Variants in CD163L1 observed in about 807,000 individuals in gnomAD.
CD163L1 encodes CD163 molecule like 1, also known as scavenger receptor cysteine-rich type 1 protein M160.
CD163L1 carries 124 observed loss-of-function variants against 165.4 expected under a neutral mutation model. The ratio of observed to expected loss-of-function variants is 0.75; its 90% CI spans 0.65 to 0.87. The LOEUF is 0.87. Among genes scored for constraint, CD163L1 ranks in the 40% least tolerant of loss-of-function variants. CD163L1 has a pLI of 0.00. For synonymous variants in CD163L1, 585 were observed against 662.2 expected, an observed-to-expected ratio of 0.88 and a Z score of 1.79; for missense variants, 1,525 against 1,799.9, an observed-to-expected ratio of 0.85 and a Z score of 2.76.
At chr12:7,357,162 A>C (rs1347481256) in intron 19 of CD163L1, among the ~76,000 whole-genome samples, 2 of 152,170 alleles carry the variant, frequency 1.3e-5, no homozygotes, top group Non-Finnish European at 2.9e-5. Flanking sequence ...GCCAATGCTC[A>C]AAACCAATTC....
At chr12:7,379,787 A>G (rs1364383708) in intron 8 of CD163L1, among the ~76,000 whole-genome samples, 2 of 152,172 alleles carry the variant, frequency 1.3e-5, no homozygotes, top group Non-Finnish European at 2.9e-5. Context: ...GTGATGCCAA[A>G]TGAAGTAATT....
At chr12:7,325,741 G>T in the CD163L1 span, among the ~76,000 whole-genome samples, 5 of 152,198 alleles carry the variant, frequency 3.3e-5, no homozygotes, top group Non-Finnish European at 7.3e-5. Flanking sequence ...CTCTGGCAAT[G>T]ACAATAATAG....
chr12:7,394,958 G>A, intron 8 of CD163L1, among the ~76,000 whole-genome samples: 1 of 152,150 alleles, frequency 6.6e-6, no homozygotes, highest in East Asian at 1.9e-4. Flanking sequence ...ATGCTGGAGA[G>A]GATGTGGAGA....
chr12:7,394,334 A>C (rs375721487), intron 8 of CD163L1, among the ~76,000 whole-genome samples: 13 of 152,228 alleles, frequency 8.5e-5, no homozygotes, highest in East Asian at 5.8e-4. Context: ...CAAAAACAAG[A>C]AATGGGGAAA....
At chr12:7,438,773 C>G in intron 2 of CD163L1, 1 of 1,447,388 alleles carries the variant, frequency 6.9e-7, no homozygotes, top group South Asian at 1.4e-5. Context: ...TCCCGTGGCC[C>G]TTACCTCCTC....
chr12:7,343,970 G>C (rs1420194055), downstream of CD163L1, among the ~76,000 whole-genome samples: 1 of 152,276 alleles, frequency 6.6e-6, no homozygotes, highest in Middle Eastern at 3.4e-3. Flanking sequence ...AGATGCAATG[G>C]GGTACACAGT....
At position 7,361,720 on chromosome 12, in the gene CD163L1, T is replaced by C. The variant is rs149179462; in HGVS notation, c.4280-4234A>G. On this transcript the variant is annotated intron_variant, in intron 18 of 19. Coordinates refer to ENST00000313599, the MANE Select transcript of CD163L1 (RefSeq NM_174941.6). ...AGAAAATTTACCATCACGATCACAA[T>C]AGTCTTTCCTCAGTTTGACATTTCT... 1.4e-3 allele frequency among the ~76,000 whole-genome samples: 218 copies of C among 152,274 alleles called. 5 individuals are homozygous for C. The East Asian group carries it at 0.035, about 25-fold the overall frequency.
chr12:7,369,040 A>C lies in CD163L1; in HGVS notation c.4040-75T>G, dbSNP rs751985078. 16 of 1,449,510 alleles carry C rather than the reference A, an allele frequency of 1.1e-5. No homozygotes were observed. In the South Asian group the frequency reaches 1.6e-4, roughly 15 times the overall value. 89.8% of individuals were successfully genotyped at this position (1,449,510 alleles called of 1,614,324 possible). ...GGTATTTCTTTTTACATCTCCTGCG[A>C]TTATCGGATGTCATTTAAATATCCT... On this transcript the variant is annotated intron_variant, in intron 15 of 19. Coordinates refer to ENST00000313599, the MANE Select transcript of CD163L1 (RefSeq NM_174941.6). This position sits in a 1 kb window ranked among gnomAD's most constrained non-coding sequence, Gnocchi z 4.9.
In CD163L1 at chr12:7,406,649, C is replaced by G. The variant is rs1948021193; in HGVS notation, c.970G>C (p.Val324Leu). The change falls in exon 5 of 20, where the codon GTA (valine) becomes CTA (leucine). Residue 324 changes from valine (V) to leucine (L), a missense_variant. Transcript: ENST00000313599. ...LPHLQSGSDVVWLDGVSCSGN... is the reference protein window; with the variant it reads ...LPHLQSGSDVLWLDGVSCSGN... ...GAGCAGGAGACACCATCAAGCCATA[C>G]AACATCAGACCCTGACTGCAAATGA... is the stretch of plus-strand genomic sequence containing the variant. 1 of 1,613,972 alleles carries G rather than the reference C, an allele frequency of 6.2e-7. No individual in the cohort carries two copies. The highest frequency in any genetic ancestry group is 1.1e-5 in the South Asian group (1 of 91,082).
At chr12:7,397,191 G>A (rs1421727218) in intron 7 of CD163L1, among the ~76,000 whole-genome samples, 1 of 152,148 alleles carries the variant, frequency 6.6e-6, no homozygotes, top group Admixed American at 6.5e-5. Context: ...ACATATATTT[G>A]ATAACCTAGG....
In CD163L1 at chr12:7,398,179, T is replaced by C; in HGVS notation, c.1729+85A>G. ...TGGCCCCTCAATCAATTCCCACATG[T>C]AAGCCAGTTTATAGACCCAGAAGCC... On this transcript the variant is annotated intron_variant, in intron 7 of 19. Transcript: ENST00000313599. This position sits in a 1 kb window ranked among gnomAD's most constrained non-coding sequence, Gnocchi z 4.5. 1 of 1,249,982 alleles carries C rather than the reference T, an allele frequency of 8.0e-7. No homozygotes were observed. Among genetic ancestry groups the C allele is most frequent in the Non-Finnish European group, 1.1e-6 (1 of 893,020 alleles). The allele number at this position is 1,249,982 out of a possible 1,614,324, so 77.4% of individuals were successfully genotyped here. A position where few individuals can be genotyped will look rare whatever the true frequency, so the allele number is the denominator to read the frequency against.
rs1371550853 is a variant in CD163L1, at chr12:7,421,506, TAC to T, written c.766+10908_766+10909del. On this transcript the variant is annotated intron_variant, in intron 4 of 19. Coordinates refer to ENST00000313599, the MANE Select transcript of CD163L1 (RefSeq NM_174941.6). ...GTACATATATACATATATGTACATATACATATACATATATGTACATATATACA... is the reference window on the plus strand; with the variant it reads ...GTACATATATACATATATGTACATATATATACATATATGTACATATATACA... Among the ~76,000 whole-genome samples the T allele has an allele frequency of 3.8e-4, 31 of 82,496 alleles. 1 individual carries two copies. Among genetic ancestry groups the T allele is most frequent in the South Asian group, 1.1e-3 (3 of 2,740 alleles). 54.1% of individuals were successfully genotyped at this position (82,496 alleles called of 152,430 possible). A position where few individuals can be genotyped will look rare whatever the true frequency, so the allele number is the denominator to read the frequency against.
the CD163L1 span, among the ~76,000 whole-genome samples, chr12:7,319,587 C>A: frequency 1.4e-5 from 2 of 142,308 alleles, no homozygotes; most frequent in Non-Finnish European, 3.0e-5. Flanking sequence ...AAGACTCCGT[C>A]TCAAAAAAAA....
At chr12:7,319,805 G>A in the CD163L1 span, among the ~76,000 whole-genome samples, 2 of 152,060 alleles carry the variant, frequency 1.3e-5, no homozygotes, top group Admixed American at 1.3e-4. Flanking sequence ...GTGCCCTAAA[G>A]TTGGTAAGTT....
intron 4 of CD163L1, among the ~76,000 whole-genome samples, chr12:7,415,234 T>C (rs868727657): frequency 2.0e-5 from 3 of 152,104 alleles, no homozygotes; most frequent in Non-Finnish European, 4.4e-5. Flanking sequence ...GGAGTTAAGT[T>C]GTTATCAACT....
chr12:7,368,089 C>A lies in CD163L1; in HGVS notation c.4181G>T (p.Arg1394Ile), dbSNP rs1458092463. Residue 1394 changes from arginine (R) to isoleucine (I), a missense_variant and splice_region_variant, in exon 17 of 20, where the codon AGA becomes ATA. By Grantham distance (97) the Arg-to-Ile change is moderately conservative. Coordinates refer to ENST00000313599, the MANE Select transcript of CD163L1 (RefSeq NM_174941.6). This position sits in a 1 kb window ranked among gnomAD's most constrained non-coding sequence, Gnocchi z 4.3. ...RVQKQKHLPL[R>I]VSTRRRGSLE... The stretch of plus-strand genomic sequence containing the variant: ...TACAATCCTAGTGGGGCTCTCACCT[C>A]TGAGGGGCAGATGTTTTTGTTTCTG... The A allele has an allele frequency of 1.3e-6, 2 of 1,585,006 alleles. No individual in the cohort carries two copies. Among genetic ancestry groups the A allele is most frequent in the East Asian group, 4.5e-5 (2 of 44,740 alleles).
At chr12:7,382,729 G>A (rs1319858123) in intron 8 of CD163L1, among the ~76,000 whole-genome samples, 3 of 152,158 alleles carry the variant, frequency 2.0e-5, no homozygotes, top group African/African-American at 7.2e-5. Context: ...CCAAGACCCA[G>A]GTAACTCCAG....
intron 4 of CD163L1, among the ~76,000 whole-genome samples, chr12:7,420,287 G>T (rs943948643): frequency 6.6e-6 from 1 of 151,852 alleles, no homozygotes; most frequent in African/African-American, 2.4e-5. Flanking sequence ...CCTTCTAGAT[G>T]TTGGCTTAGG....
chr12:7,318,971 G>A, the CD163L1 span, among the ~76,000 whole-genome samples: 15 of 152,206 alleles, frequency 9.9e-5, no homozygotes, highest in Admixed American at 7.9e-4. Flanking sequence ...TAGGGGGAGC[G>A]GGGAGATAAT....
Sources: gnomAD v4.1 joint callset for allele counts (sites outside exome capture counted in the v4.1 genomes callset) on GRCh38, gnomAD v4.1.1 for gene constraint, Gnocchi (gnomAD v3.1) non-coding constraint, MANE v1.5 for transcripts, NCBI Gene and HGNC (gene_info 2026-07-23, HGNC 2026-07-21) for gene names.